ADCY4: variants seen among roughly 807,000 people sequenced by gnomAD.
The protein encoded by ADCY4 is adenylate cyclase type 4.
ADCY4 carries 111 observed loss-of-function variants against 125.5 expected under a neutral mutation model. That is an observed-to-expected ratio of 0.88 (90% CI 0.76 to 1.04). The LOEUF is 1.04. Among genes scored for constraint, ADCY4 ranks in the 50% least tolerant of loss-of-function variants. ADCY4 has a pLI of 0.00. For missense variants in ADCY4, 1,256 were observed against 1,382.9 expected (o/e 0.91, Z 1.46); for synonymous variants, 576 against 586.9 (o/e 0.98, Z 0.27).
At chr14:24,322,878 C>A in intron 18 of ADCY4, 26 bp downstream of exon 18, 2 of 1,569,382 alleles carry the variant, frequency 1.3e-6, no homozygotes, top group Non-Finnish European at 8.6e-7. Context: ...GGGGGCCCGG[C>A]ACCTCTGTCC....
chr14:24,324,315 C>A lies in ADCY4; in HGVS notation c.1900G>T (p.Asp634Tyr). The A allele has an allele frequency of 6.2e-7, 1 of 1,614,186 alleles. No individual in the cohort carries two copies. The highest frequency in any genetic ancestry group is 8.5e-7 in the Non-Finnish European group (1 of 1,180,000). Residue 634 changes from aspartate to tyrosine, a missense_variant, in exon 15 of 25, where the codon GAC (aspartate) becomes TAC (tyrosine). Physicochemically the swap from Asp to Tyr is radical, Grantham distance 160. Transcript: ENST00000418030. ...LLILFVCFSE[D>Y]LMRCVLKGPK... ...CCCTCAGCCCACCTCACCATCAGGT[C>A]CTCTGAGAAGCAGACAAAAAGGATG...
rs1033359282 is a variant in ADCY4, at chr14:24,329,664, A to G, written c.1218-131T>C. ...TTTAAAGATCGTTCCTGGATGTCTGACTTCAAGAAAGAGCCTGTGTTACAG... is the reference window on the plus strand; with the variant it reads ...TTTAAAGATCGTTCCTGGATGTCTGGCTTCAAGAAAGAGCCTGTGTTACAG... On this transcript the variant is annotated intron_variant, in intron 8 of 24. Transcript: ENST00000418030. 7.0e-6 allele frequency: 10 copies of G among 1,421,204 alleles called. No individual in the cohort carries two copies. In the African/African-American group the frequency reaches 1.1e-4, roughly 16 times the overall value. 88.0% of individuals were successfully genotyped at this position (1,421,204 alleles called of 1,614,324 possible).
At chr14:24,321,854 A>C in intron 20 of ADCY4, 2 of 1,325,058 alleles carry the variant, frequency 1.5e-6, no homozygotes, top group South Asian at 4.5e-5. Flanking sequence ...GAGTTAGAGA[A>C]GACATGCCTT....
chr14:24,321,649 G>T, intron 20 of ADCY4: 1 of 256,030 alleles, frequency 3.9e-6, no homozygotes, highest in Non-Finnish European at 6.2e-6. Flanking sequence ...GTTCCTATGA[G>T]AATCTGATGC....
rs2041901454 is a variant in ADCY4 at position 24,324,142 on chromosome 14, C to T, written c.1966G>A (p.Val656Met). The change falls in exon 16 of 25, where the codon GTG becomes ATG. Residue 656 changes from valine (V) to methionine (M), a missense_variant. Physicochemically the swap from Val to Met is conservative, Grantham distance 21. Transcript: ENST00000418030. Reference protein sequence around the residue: ...LHWLPALSGLVATRPGLRIAL... With the variant: ...LHWLPALSGLMATRPGLRIAL... ...ATTCTCAGTCCTGGTCGTGTGGCCA[C>T]CAGGCCAGACAGTGCAGGCAGCCAG... 3.1e-6 allele frequency: 5 copies of T among 1,614,240 alleles called. No homozygotes were observed. Among genetic ancestry groups the T allele is most frequent in the Non-Finnish European group, 4.2e-6 (5 of 1,180,034 alleles).
rs1566430064 is a variant in ADCY4 at position 24,319,246 on chromosome 14, T to TGAGG, written c.2842-38_2842-35dup. ...GGGCCCGCCCACCAGGGTGGGCCAG[T>TGAGG]GAGGGCACAGGAATAAGTCCCACTA... is the stretch of plus-strand genomic sequence containing the variant. On this transcript the variant is annotated intron_variant, in intron 22 of 24. Transcript: ENST00000418030. This position sits in a 1 kb window ranked among gnomAD's most constrained non-coding sequence, Gnocchi z 4.5. The TGAGG allele has an allele frequency of 6.2e-7, 1 of 1,613,340 alleles. No homozygotes were observed. Among genetic ancestry groups the TGAGG allele is most frequent in the East Asian group, 2.2e-5 (1 of 44,864 alleles).
At chr14:24,325,496 G>A in intron 13 of ADCY4, 22 bp from the exon 14 acceptor site, 3 of 1,596,570 alleles carry the variant, frequency 1.9e-6, no homozygotes, top group Non-Finnish European at 1.7e-6. Context: ...AGGGCCAGAG[G>A]TGGAGACAGG....
In ADCY4 at chr14:24,319,697, C is replaced by T; in HGVS notation, c.2733+45G>A. 6.2e-7 allele frequency: 1 copy of T among 1,612,194 alleles called. No homozygotes were observed. The highest frequency in any genetic ancestry group is 8.5e-7 in the Non-Finnish European group (1 of 1,179,398). On this transcript the variant is annotated intron_variant, in intron 21 of 24. Coordinates refer to ENST00000418030, the MANE Select transcript of ADCY4 (RefSeq NM_001198568.2). This position sits in a 1 kb window ranked among gnomAD's most constrained non-coding sequence, Gnocchi z 4.5. ...TGGAAGGAGGTACTGGTGGAAAATT[C>T]TAGAATCTAGGACATAGGGTCTGGG...
At chr14:24,326,371 C>T in intron 10 of ADCY4, 29 bp from the exon 11 acceptor site, 4 of 1,596,422 alleles carry the variant, frequency 2.5e-6, no homozygotes, top group Non-Finnish European at 3.4e-6. Flanking sequence ...GGGAGGTGGG[C>T]ATGGTGGGTG....
rs1341441983 is a variant in ADCY4 at position 24,319,196 on chromosome 14, C to T, written c.2858G>A (p.Cys953Tyr). ...QDAQQDAERSCSHLGTMVEFA... is the reference protein window; with the variant it reads ...QDAQQDAERSYSHLGTMVEFA... ...TTCCACCATAGTGCCAAGGTGGCTGCAGCTCCGTTCAGCATCCTGGCAATG... is the reference window on the plus strand; with the variant it reads ...TTCCACCATAGTGCCAAGGTGGCTGTAGCTCCGTTCAGCATCCTGGCAATG... The change falls in exon 23 of 25, where the codon TGC (cysteine) becomes TAC (tyrosine). Residue 953 changes from cysteine to tyrosine, a missense_variant. By Grantham distance (194) the Cys-to-Tyr change is radical. Transcript: ENST00000418030. The surrounding 1 kb of genome is among the most constrained non-coding windows in gnomAD (Gnocchi z 4.5). 6.2e-7 allele frequency: 1 copy of T among 1,614,110 alleles called. No individual in the cohort carries two copies. The highest frequency in any genetic ancestry group is 1.1e-5 in the South Asian group (1 of 91,080).
In ADCY4 at chr14:24,319,967, C is replaced by G. The variant is rs2041828073; in HGVS notation, c.2587-79G>C. The G allele has an allele frequency of 1.3e-6, 2 of 1,507,308 alleles. No individual in the cohort carries two copies. Among genetic ancestry groups the G allele is most frequent in the Non-Finnish European group, 1.8e-6 (2 of 1,112,468 alleles). The allele number at this position is 1,507,308 out of a possible 1,614,324, so 93.4% of individuals were successfully genotyped here. On this transcript the variant is annotated intron_variant, in intron 20 of 24. Coordinates refer to ENST00000418030, the MANE Select transcript of ADCY4 (RefSeq NM_001198568.2). The surrounding 1 kb of genome is among the most constrained non-coding windows in gnomAD (Gnocchi z 4.5). ...TAGAGGTCTGCGTGGGGCCCTCCTC[C>G]CCATGTCCACACTCCTGGTCTCCCT...
Position 24,331,796 on chromosome 14 carries a change from T to G in ADCY4, c.661A>C (p.Lys221Gln). 6.3e-7 allele frequency: 1 copy of G among 1,583,630 alleles called. No homozygotes were observed. Among genetic ancestry groups the G allele is most frequent in the Non-Finnish European group, 8.6e-7 (1 of 1,159,476 alleles). The change falls in exon 4 of 25, where the codon AAG becomes CAG. Residue 221 changes from lysine to glutamine, a missense_variant. Lys to Gln is a moderately conservative substitution (Grantham distance 53). Transcript: ENST00000418030. Reference sequence around the variant, plus strand: ...TCCTAGGCCCGGCTGACCTGGTGCTTCTTCTCGGTGTCCAGCCGCCGGCGT... The same window carrying G: ...TCCTAGGCCCGGCTGACCTGGTGCTGCTTCTCGGTGTCCAGCCGCCGGCGT... ...HSRRRLDTEK[K>Q]HQEHLLLSIL...
intron 14 of ADCY4, among the ~76,000 whole-genome samples, chr14:24,324,699 G>GTT (rs112561625): frequency 1.4e-5 from 2 of 147,666 alleles, no homozygotes. Flanking sequence ...ACTTGGCTGA[G>GTT]TTTTTTTTTT....
In ADCY4 at chr14:24,332,655, G is replaced by A. The variant is rs756677581; in HGVS notation, c.386C>T (p.Thr129Met). 1.7e-5 allele frequency: 27 copies of A among 1,588,602 alleles called. No homozygotes were observed. Among genetic ancestry groups the A allele is most frequent in the Non-Finnish European group, 2.0e-5 (23 of 1,167,804 alleles). ...QVSYFLFVIFTAYAMLPLGMR... is the reference protein window; with the variant it reads ...QVSYFLFVIFMAYAMLPLGMR... ...GCCCAAGGGCAGCATGGCATACGCC[G>A]TGAAGATGACGAAGAGAAAATAGGA... The change falls in exon 3 of 25, where the codon ACG (threonine) becomes ATG (methionine). Residue 129 changes from threonine (T) to methionine (M), a missense_variant. Physicochemically the swap from Thr to Met is moderately conservative, Grantham distance 81. Transcript: ENST00000418030.
chr14:24,326,327 A>C lies in ADCY4; in HGVS notation c.1540T>G (p.Ser514Ala), dbSNP rs760790253. 1 of 1,613,868 alleles carries C rather than the reference A, an allele frequency of 6.2e-7. No homozygotes were observed. The highest frequency in any genetic ancestry group is 8.5e-7 in the Non-Finnish European group (1 of 1,179,990). ...TCCAGGCTCCACTGGGTGCTGAAGG[A>C]AGCCAGGGTCTTCTCCTGTTGGGAG... ...STPLPEKTLA[S>A]FSTQWSLDRS... Residue 514 changes from serine (S) to alanine (A), a missense_variant, in exon 11 of 25, where the codon TCC (serine) becomes GCC (alanine). Coordinates refer to ENST00000418030, the MANE Select transcript of ADCY4 (RefSeq NM_001198568.2).
intron 10 of ADCY4, among the ~76,000 whole-genome samples, chr14:24,326,931 T>C (rs1417202910): frequency 4.3e-5 from 6 of 138,466 alleles, no homozygotes; most frequent in Non-Finnish European, 7.7e-5. Flanking sequence ...AGTTTCGCTC[T>C]TGTTGCCCAG....
At chr14:24,333,773 G>C (rs989799682) in intron 1 of ADCY4, among the ~76,000 whole-genome samples, 1 of 152,212 alleles carries the variant, frequency 6.6e-6, no homozygotes, top group African/African-American at 2.4e-5. Context: ...AGGGCGGCGC[G>C]AGGCAGCGCT....
In ADCY4 at chr14:24,329,498, A is replaced by C. The variant is rs2042006492; in HGVS notation, c.1253T>G (p.Leu418Arg). ...VHITGATLAL[L>R]AGAYAVEDAG... is the part of the protein sequence containing the mutation. ...GTCCTCCACAGCATAAGCCCCTGCC[A>C]GCAGGGCCAGGGTAGCCCCTGTGAT... Residue 418 changes from leucine (L) to arginine (R), a missense_variant, in exon 9 of 25, where the codon CTG (leucine) becomes CGG (arginine). Leu to Arg is a moderately radical substitution (Grantham distance 102, BLOSUM62 -2). Coordinates refer to ENST00000418030, the MANE Select transcript of ADCY4 (RefSeq NM_001198568.2). The C allele has an allele frequency of 6.4e-7, 1 of 1,564,198 alleles. No individual in the cohort carries two copies. The highest frequency in any genetic ancestry group is 1.4e-5 in the African/African-American group (1 of 72,748).
chr14:24,333,335 C>T (rs1453767225), intron 1 of ADCY4, among the ~76,000 whole-genome samples: 2 of 152,120 alleles, frequency 1.3e-5, no homozygotes, highest in East Asian at 3.9e-4. Context: ...ATTCTCATGC[C>T]TCAGCCTCCC....
Sources: gnomAD v4.1 joint callset for allele counts (sites outside exome capture counted in the v4.1 genomes callset) on GRCh38, gnomAD v4.1.1 for gene constraint, Gnocchi (gnomAD v3.1) non-coding constraint, MANE v1.5 for transcripts, NCBI Gene and HGNC (gene_info 2026-07-23, HGNC 2026-07-21) for gene names.